The following PHF2 variants were observed in gnomAD, a reference collection of about 807,000 sequenced individuals.
PHF2 encodes PHD finger protein 2.
Under a neutral mutation model 120.5 loss-of-function variants are expected in PHF2, and 27 were observed. The observed-to-expected ratio is 0.22, with a 90% CI of 0.17 to 0.31. The LOEUF is 0.31. Ranked by LOEUF, PHF2 falls within the 10% of genes least tolerant of loss-of-function variation. The pLI is 1.00. For synonymous variants in PHF2, 568 were observed against 592.5 expected (o/e 0.96, Z 0.60); for missense variants, 1,024 against 1,434.8 (o/e 0.71, Z 4.63).
intron 5 of PHF2, among the ~76,000 whole-genome samples, chr9:93,650,332 C>T (rs553166518): frequency 1.3e-5 from 2 of 152,310 alleles, no homozygotes; most frequent in East Asian, 1.9e-4. Context: ...GACACACACA[C>T]ATCCCTGACA....
intron 12 of PHF2, among the ~76,000 whole-genome samples, chr9:93,662,342 AATGG>A (rs781242309): frequency 6.0e-5 from 9 of 150,214 alleles, no homozygotes; most frequent in South Asian, 2.2e-4. Flanking sequence ...TGAATGAACA[AATGG>A]ATGGATGGAT....
intron 1 of PHF2, among the ~76,000 whole-genome samples, chr9:93,581,470 A>G (rs550795575): frequency 6.6e-6 from 1 of 152,296 alleles, no homozygotes; most frequent in Admixed American, 6.5e-5. Context: ...GGAATAAATC[A>G]TTTTAAAACA....
At chr9:93,621,610 A>G (rs1294907321) in intron 1 of PHF2, among the ~76,000 whole-genome samples, 1 of 152,170 alleles carries the variant, frequency 6.6e-6, no homozygotes, top group Non-Finnish European at 1.5e-5. Context: ...TGGGCACGTT[A>G]TGGAGGGCGG....
intron 3 of PHF2, among the ~76,000 whole-genome samples, chr9:93,645,343 C>T (rs1826238177): frequency 6.6e-6 from 1 of 152,220 alleles, no homozygotes; most frequent in South Asian, 2.1e-4. Context: ...GCCTCTCTGT[C>T]TTGTTGGGAA....
At chr9:93,604,556 C>T (rs149922074) in intron 1 of PHF2, among the ~76,000 whole-genome samples, 3,502 of 151,842 alleles carry the variant, frequency 0.023, 68 homozygotes, top group Middle Eastern at 0.037. Context: ...GCTCCGCCTC[C>T]CGGGTTCACG....
In PHF2 at chr9:93,645,776, C is replaced by G. The variant is rs149618834; in HGVS notation, c.447C>G (p.Val149=). ...VPAPTFYVSD[V]ENYVGPERSV... ...CCCCCACGTTCTATGTCAGTGACGTCGAGAACTACGTGGGTAAGCGCCATC... is the reference window on the plus strand; with the variant it reads ...CCCCCACGTTCTATGTCAGTGACGTGGAGAACTACGTGGGTAAGCGCCATC... Residue 149 remains valine (V), a synonymous_variant, in exon 4 of 22, where the codon GTC becomes GTG. Coordinates refer to ENST00000359246, the MANE Select transcript of PHF2 (RefSeq NM_005392.4). The G allele has an allele frequency of 6.3e-7, 1 of 1,597,052 alleles. No individual in the cohort carries two copies. Among genetic ancestry groups the G allele is most frequent in the Admixed American group, 1.7e-5 (1 of 58,540 alleles).
intron 1 of PHF2, 58 bp from the exon 2 acceptor site, chr9:93,629,912 G>A (rs1564387505): frequency 5.2e-6 from 8 of 1,537,278 alleles, no homozygotes; most frequent in Non-Finnish European, 7.2e-6. Flanking sequence ...TTCGCAGATG[G>A]AAAGTGCTTG....
chr9:93,625,107 C>T (rs1217954381), intron 1 of PHF2, among the ~76,000 whole-genome samples: 1 of 152,228 alleles, frequency 6.6e-6, no homozygotes, highest in Non-Finnish European at 1.5e-5. Context: ...ACTCCACACC[C>T]ACTAAACAGT....
chr9:93,612,191 T>G (rs1467356712), intron 1 of PHF2, among the ~76,000 whole-genome samples: 1 of 152,246 alleles, frequency 6.6e-6, no homozygotes, highest in Non-Finnish European at 1.5e-5. Context: ...CTCCCAAGAA[T>G]GGACACTTAG....
At chr9:93,592,792 G>T (rs186786059) in intron 1 of PHF2, among the ~76,000 whole-genome samples, 170 of 152,192 alleles carry the variant, frequency 1.1e-3, no homozygotes, top group African/African-American at 3.9e-3. Context: ...GCAGACAGAG[G>T]GGGCCAAGCA....
At chr9:93,658,667 G>C (rs1251681615) in intron 10 of PHF2, among the ~76,000 whole-genome samples, 2 of 152,138 alleles carry the variant, frequency 1.3e-5, no homozygotes, top group Non-Finnish European at 2.9e-5. Flanking sequence ...GACTGGGGGA[G>C]TGGCTGGCCC....
At chr9:93,583,586 T>A (rs1259774149) in intron 1 of PHF2, among the ~76,000 whole-genome samples, 1 of 151,934 alleles carries the variant, frequency 6.6e-6, no homozygotes, top group Non-Finnish European at 1.5e-5. Flanking sequence ...TTTTTTTTTT[T>A]AAATTAAAGC....
At chr9:93,583,895 C>T (rs1251070756) in intron 1 of PHF2, among the ~76,000 whole-genome samples, 2 of 141,920 alleles carry the variant, frequency 1.4e-5, no homozygotes, top group East Asian at 2.1e-4. Context: ...ATGGCGTGAT[C>T]TCAGCTCACC....
At chr9:93,590,257 G>T (rs968254708) in intron 1 of PHF2, among the ~76,000 whole-genome samples, 7 of 152,194 alleles carry the variant, frequency 4.6e-5, no homozygotes, top group Non-Finnish European at 2.9e-5. Context: ...TAATTATTGA[G>T]TTCACTCACT....
Position 93,656,658 on chromosome 9 carries a change from C to G in PHF2, c.1147+63C>G. ...CTCTTGGCTGTGGGGGCAGCCAGAC[C>G]TGGTCAGGGCTGACTGTCTGGGTGT... On this transcript the variant is annotated intron_variant, in intron 9 of 21. Transcript: ENST00000359246. The surrounding 1 kb of genome is among the most constrained non-coding windows in gnomAD (Gnocchi z 4.1). 5 of 1,108,296 alleles carry G rather than the reference C, an allele frequency of 4.5e-6. No homozygotes were observed. The highest frequency in any genetic ancestry group is 6.9e-6 in the Non-Finnish European group (5 of 729,854). The allele number at this position is 1,108,296 out of a possible 1,614,324, so 68.7% of individuals were successfully genotyped here. A position where few individuals can be genotyped will look rare whatever the true frequency, so the allele number is the denominator to read the frequency against.
At chr9:93,596,198 T>C (rs571546192) in intron 1 of PHF2, among the ~76,000 whole-genome samples, 129 of 152,222 alleles carry the variant, frequency 8.5e-4, no homozygotes, top group African/African-American at 2.9e-3. Flanking sequence ...AGCTGTGGGT[T>C]AGGAGGAGGT....
At chr9:93,610,564 C>T (rs937922645) in intron 1 of PHF2, among the ~76,000 whole-genome samples, 4 of 152,150 alleles carry the variant, frequency 2.6e-5, no homozygotes, top group Non-Finnish European at 4.4e-5. Flanking sequence ...AACATCAGTG[C>T]CATCTCTGGG....
Position 93,656,195 on chromosome 9 carries a change from G to A in PHF2, c.1040+174G>A, listed in dbSNP as rs929455750. On this transcript the variant is annotated intron_variant, in intron 8 of 21. Coordinates refer to ENST00000359246, the MANE Select transcript of PHF2 (RefSeq NM_005392.4). The surrounding 1 kb of genome is among the most constrained non-coding windows in gnomAD (Gnocchi z 4.1). ...GTGATGTGGAGGGAAGGAGGAGGTG[G>A]GCCCTGGGTTCATGCAGGCCGGCTC... Among the ~76,000 whole-genome samples, 9 of 152,170 alleles carry A rather than the reference G, an allele frequency of 5.9e-5. No individual in the cohort carries two copies. Among genetic ancestry groups the A allele is most frequent in the Non-Finnish European group, 1.3e-4 (9 of 68,036 alleles).
At chr9:93,663,775 AC>A (rs2118021986) in intron 14 of PHF2, 140 bp downstream of exon 14, 4 of 593,104 alleles carry the variant, frequency 6.7e-6, no homozygotes, top group Non-Finnish European at 9.1e-6. Context: ...TCTCACACAC[AC>A]CACACACTGC....
Sources: gnomAD v4.1 joint callset for allele counts (sites outside exome capture counted in the v4.1 genomes callset) on GRCh38, gnomAD v4.1.1 for gene constraint, Gnocchi (gnomAD v3.1) non-coding constraint, MANE v1.5 for transcripts, NCBI Gene and HGNC (gene_info 2026-07-23, HGNC 2026-07-21) for gene names.